Variants in CACNA1H observed in about 807,000 individuals in gnomAD.
CACNA1H encodes the protein voltage-dependent T-type calcium channel subunit alpha-1H.
In CACNA1H, 149 loss-of-function variants were observed where a neutral mutation model predicts 192.5. The ratio of observed to expected loss-of-function variants is 0.77; its 90% CI spans 0.68 to 0.89. CACNA1H has a LOEUF of 0.89. Among genes scored for constraint, CACNA1H ranks in the 40% least tolerant of loss-of-function variants. The probability of loss-of-function intolerance (pLI) is 0.00; values close to 1 mark genes in which losing one functional copy is unlikely to be tolerated. For missense variants in CACNA1H, 4,257 were observed against 3,423.5 expected (o/e 1.24, Z -6.08); for synonymous variants, 2,202 against 1,475.2 (o/e 1.49, Z -11.29).
chr16:1,177,062 A>T (rs1964960002), intron 2 of CACNA1H, among the ~76,000 whole-genome samples: 1 of 151,400 alleles, frequency 6.6e-6, no homozygotes, highest in Non-Finnish European at 1.5e-5. Context: ...CCTTCTCTGA[A>T]CCCTACACTG....
At position 1,212,497 on chromosome 16, in the gene CACNA1H, CCTT is replaced by C; in HGVS notation, c.4760-13_4760-11del. On this transcript the variant is annotated splice_polypyrimidine_tract_variant and intron_variant, in intron 25 of 34. Coordinates refer to ENST00000348261, the MANE Select transcript of CACNA1H (RefSeq NM_021098.3). The stretch of plus-strand genomic sequence containing the variant: ...CACGCCCTCGGCCCTCAGACCATCT[CCTT>C]GTCTTTCCAGGCACTTTCCCCAGCC... 2.5e-6 allele frequency: 4 copies of C among 1,610,712 alleles called. No individual in the cohort carries two copies. The highest frequency in any genetic ancestry group is 3.4e-6 in the Non-Finnish European group (4 of 1,178,954).
intron 2 of CACNA1H, among the ~76,000 whole-genome samples, chr16:1,186,683 C>G (rs1210441674): frequency 6.6e-6 from 1 of 152,186 alleles, no homozygotes; most frequent in Admixed American, 6.5e-5. Context: ...GGACCTGGCT[C>G]GGTCCCGATG....
chr16:1,165,554 C>G (rs947135739), intron 2 of CACNA1H, among the ~76,000 whole-genome samples: 1 of 152,182 alleles, frequency 6.6e-6, no homozygotes, highest in African/African-American at 2.4e-5. Context: ...CCCACCTGGC[C>G]TCCGGTGCAT....
rs557125328 is a variant in CACNA1H, at chr16:1,210,090, G to A, written c.3800G>A (p.Arg1267Gln). 26 of 1,559,812 alleles carry A rather than the reference G, an allele frequency of 1.7e-5. No homozygotes were observed. The highest frequency in any genetic ancestry group is 9.5e-5 in the Admixed American group (5 of 52,720). The part of the protein sequence containing the change: ...VLEPYKPQWC[R>Q]SREAWALYLF... ...GAGCCCTACAAGCCCCAGTGGTGCC[G>A]GAGCCGCGAGGCCTGGGCCCTCTAC... Residue 1267 changes from arginine (R) to glutamine (Q), a missense_variant, in exon 18 of 35, where the codon CGG becomes CAG. Physicochemically the swap from Arg to Gln is conservative, Grantham distance 43. Transcript: ENST00000348261.
chr16:1,156,047 A>G (rs1474144991), intron 2 of CACNA1H, among the ~76,000 whole-genome samples: 1 of 152,002 alleles, frequency 6.6e-6, no homozygotes, highest in African/African-American at 2.4e-5. Context: ...TGGTGTCCCC[A>G]GGGCTCTCTG....
At chr16:1,161,069 G>T (rs963586371) in intron 2 of CACNA1H, among the ~76,000 whole-genome samples, 5 of 152,270 alleles carry the variant, frequency 3.3e-5, no homozygotes, top group African/African-American at 1.2e-4. Context: ...ACCTGACACA[G>T]TTGCACCCCC....
intron 11 of CACNA1H, among the ~76,000 whole-genome samples, chr16:1,205,561 C>T (rs983490231): frequency 6.6e-6 from 1 of 152,206 alleles, no homozygotes; most frequent in East Asian, 1.9e-4. Context: ...AGGAACAAAG[C>T]AGGTGTGGGG....
At position 1,207,356 on chromosome 16, in the gene CACNA1H, G is replaced by A. The variant is rs1232235752; in HGVS notation, c.2989G>A (p.Ala997Thr). ...TSSWAALYFVALMTFGNYVLF... is the reference protein window; with the variant it reads ...TSSWAALYFVTLMTFGNYVLF... ...CTCCTGGGCCGCCCTCTACTTCGTG[G>A]CCCTCATGACCTTCGGCAACTATGT... The change falls in exon 14 of 35, where the codon GCC becomes ACC. Residue 997 changes from alanine to threonine, a missense_variant. Ala to Thr is a moderately conservative substitution (Grantham distance 58, BLOSUM62 0). Coordinates refer to ENST00000348261, the MANE Select transcript of CACNA1H (RefSeq NM_021098.3). The A allele has an allele frequency of 1.9e-6, 3 of 1,613,098 alleles. No homozygotes were observed. Among genetic ancestry groups the A allele is most frequent in the Non-Finnish European group, 1.7e-6 (2 of 1,179,740 alleles).
chr16:1,206,027 G>A, intron 11 of CACNA1H, 77 bp from the exon 12 acceptor site: 4 of 1,400,992 alleles, frequency 2.9e-6, no homozygotes, highest in Non-Finnish European at 3.8e-6. Context: ...CCTGGCTGGT[G>A]ACCCTGCTTC....
In CACNA1H at chr16:1,215,579, C is replaced by T. The variant is rs1435317657; in HGVS notation, c.5230C>T (p.Gln1744Ter). Reference protein sequence around the residue: ...GMRALLDTVVQALPQVGNLGL... With the variant: ...GMRALLDTVV ...GCGCGCCCTGCTGGACACTGTGGTG[C>T]AAGCTCTCCCCCAGGTAGGTGGAGC... is the stretch of plus-strand genomic sequence containing the variant. Residue 1744 changes from glutamine (Q) to a stop codon, truncating the protein, a stop_gained, in exon 30 of 35, where the codon CAA (glutamine) becomes TAA (stop). Transcript: ENST00000348261. LOFTEE classifies it high-confidence loss of function. The T allele has an allele frequency of 1.2e-6, 2 of 1,611,446 alleles. No individual in the cohort carries two copies. The highest frequency in any genetic ancestry group is 8.5e-7 in the Non-Finnish European group (1 of 1,179,470).
chr16:1,211,681 T>A lies in CACNA1H; in HGVS notation c.4477-35T>A. The A allele has an allele frequency of 4.3e-6, 7 of 1,612,046 alleles. No individual in the cohort carries two copies. In the South Asian group the frequency reaches 6.6e-5, roughly 15 times the overall value. ...GCGAGAGGGCCGGCGACCCCAGCTCTAACCCTCGCCAGTGACCCTGGCTCT... is the reference window on the plus strand; with the variant it reads ...GCGAGAGGGCCGGCGACCCCAGCTCAAACCCTCGCCAGTGACCCTGGCTCT... On this transcript the variant is annotated intron_variant, in intron 23 of 34. Coordinates refer to ENST00000348261, the MANE Select transcript of CACNA1H (RefSeq NM_021098.3).
At chr16:1,171,419 G>A (rs76160740) in intron 2 of CACNA1H, among the ~76,000 whole-genome samples, 2,448 of 152,306 alleles carry the variant, frequency 0.016, 81 homozygotes, top group Admixed American at 0.046. Flanking sequence ...GAGAACCCCC[G>A]CAGCCCACTT....
rs918496310 is a variant in CACNA1H, at chr16:1,201,876, T to C, written c.1426T>C (p.Leu476=). ...HIFRKVKRRS[L]RLYARWQSRW... is the part of the protein sequence containing the mutation. ...ATTCCGCAAGGTCAAGCGGCGCAGC[T>C]TGCGCCTCTACGCCCGCTGGCAGAG... The change falls in exon 9 of 35, where the codon TTG becomes CTG. Residue 476 remains leucine (L), a synonymous_variant. Transcript: ENST00000348261. 3 of 1,554,326 alleles carry C rather than the reference T, an allele frequency of 1.9e-6. No homozygotes were observed. In the African/African-American group the frequency reaches 4.1e-5, roughly 21 times the overall value.
intron 26 of CACNA1H, among the ~76,000 whole-genome samples, 173 bp from the exon 27 acceptor site, chr16:1,213,607 C>T (rs932711248): frequency 6.6e-6 from 1 of 152,028 alleles, no homozygotes; most frequent in African/African-American, 2.4e-5. Flanking sequence ...AGTCCCCCTT[C>T]TCCAGTCTTA....
chr16:1,154,365 C>T (rs1314884960), intron 2 of CACNA1H, among the ~76,000 whole-genome samples: 1 of 152,116 alleles, frequency 6.6e-6, no homozygotes, highest in Non-Finnish European at 1.5e-5. Flanking sequence ...CCTCGCGGCC[C>T]CAAGGGTGTT....
At chr16:1,169,771 G>A (rs1964178104) in intron 2 of CACNA1H, among the ~76,000 whole-genome samples, 1 of 152,228 alleles carries the variant, frequency 6.6e-6, no homozygotes, top group Non-Finnish European at 1.5e-5. Flanking sequence ...TTGTCCGTCT[G>A]CCTCCCAGGC....
chr16:1,210,699 C>G (rs377291188), intron 20 of CACNA1H, 48 bp downstream of exon 20: 78 of 1,582,916 alleles, frequency 4.9e-5, no homozygotes, highest in Non-Finnish European at 6.6e-5. Flanking sequence ...CCCCGTTCTG[C>G]CCTCATCCCC....
chr16:1,200,115 C>A (rs967579683), intron 6 of CACNA1H, 141 bp from the exon 7 acceptor site: 1 of 688,482 alleles, frequency 1.5e-6, no homozygotes, highest in Non-Finnish European at 2.4e-6. Context: ...AACCGTGCCT[C>A]CCTAACCATG....
At chr16:1,215,698 G>C in intron 30 of CACNA1H, 105 bp downstream of exon 30, 1 of 905,942 alleles carries the variant, frequency 1.1e-6, no homozygotes, top group Non-Finnish European at 1.7e-6. Flanking sequence ...CTGGTCCCTC[G>C]GTTGTGTGGT....
Sources: allele counts gnomAD v4.1 joint callset (sites outside exome capture counted in the v4.1 genomes callset), GRCh38; gene constraint gnomAD v4.1.1; transcripts MANE v1.5; gene names NCBI Gene and HGNC (gene_info 2026-07-23, HGNC 2026-07-21).